FRMD5: variants seen among roughly 807,000 people sequenced by gnomAD.
FRMD5 encodes FERM domain containing 5, also known as FERM domain-containing protein 5.
A neutral mutation model predicts 69.0 loss-of-function variants in FRMD5; 20 were observed. The observed-to-expected ratio is 0.29, with a 90% CI of 0.20 to 0.42. FRMD5 has a LOEUF of 0.42. Among genes scored for constraint, FRMD5 ranks in the 10% least tolerant of loss-of-function variants. The probability of loss-of-function intolerance (pLI) is 1.00; values close to 1 mark genes in which losing one functional copy is unlikely to be tolerated. For missense variants in FRMD5, 595 were observed against 708.6 expected (o/e 0.84, Z 1.82); for synonymous variants, 271 against 260.1 (o/e 1.04, Z -0.40).
At chr15:43,960,700 T>A (rs933872363) in intron 1 of FRMD5, among the ~76,000 whole-genome samples, 3 of 152,236 alleles carry the variant, frequency 2.0e-5, no homozygotes, top group Admixed American at 6.5e-5. Flanking sequence ...GATTATTTTT[T>A]AAAAATGAGA....
intron 13 of FRMD5, 42 bp from the exon 14 acceptor site, chr15:43,874,504 C>T (rs2088270320): frequency 3.3e-6 from 5 of 1,497,674 alleles, no homozygotes; most frequent in Non-Finnish European, 3.7e-6. Flanking sequence ...TGTCCCAATG[C>T]ACCCTTTGCT....
At chr15:43,952,427 A>G (rs1415219871) in intron 1 of FRMD5, among the ~76,000 whole-genome samples, 1 of 152,184 alleles carries the variant, frequency 6.6e-6, no homozygotes, top group African/African-American at 2.4e-5. Flanking sequence ...ATTACTCTAT[A>G]TAACTCTGCC....
At chr15:43,985,348 G>A (rs1391012196) in intron 1 of FRMD5, among the ~76,000 whole-genome samples, 1 of 147,962 alleles carries the variant, frequency 6.8e-6, no homozygotes, top group Non-Finnish European at 1.5e-5. Flanking sequence ...TACTCTGCTT[G>A]TAACTGGGAA....
chr15:44,126,691 G>A (rs551384017), intron 1 of FRMD5, among the ~76,000 whole-genome samples: 1 of 152,234 alleles, frequency 6.6e-6, no homozygotes, highest in African/African-American at 2.4e-5. Flanking sequence ...TCCCTCATTA[G>A]AATTTATCTA....
At chr15:44,178,057 G>A (rs1372247548) in intron 1 of FRMD5, among the ~76,000 whole-genome samples, 1 of 152,214 alleles carries the variant, frequency 6.6e-6, no homozygotes, top group Non-Finnish European at 1.5e-5. Context: ...GCTGGGCACT[G>A]TGGCTCATGC....
chr15:44,038,954 T>C (rs1269933019), intron 1 of FRMD5, among the ~76,000 whole-genome samples: 1 of 152,196 alleles, frequency 6.6e-6, no homozygotes, highest in Admixed American at 6.5e-5. Flanking sequence ...TTCTTGCTGC[T>C]AGCACAGCAG....
chr15:44,075,634 T>C (rs1008303908), intron 1 of FRMD5, among the ~76,000 whole-genome samples: 1 of 152,156 alleles, frequency 6.6e-6, no homozygotes, highest in South Asian at 2.1e-4. Context: ...GGTATGTATG[T>C]AGCCATGGAA....
intron 5 of FRMD5, among the ~76,000 whole-genome samples, chr15:43,908,833 C>T (rs1474229060): frequency 1.3e-5 from 2 of 152,160 alleles, no homozygotes; most frequent in Non-Finnish European, 2.9e-5. Flanking sequence ...CTTGGAAACA[C>T]TTTCAACTTT....
Position 44,152,204 on chromosome 15 carries a change from C to A in FRMD5, c.102+42749G>T, listed in dbSNP as rs568207352. Among the ~76,000 whole-genome samples, 4 of 152,172 alleles carry A rather than the reference C, an allele frequency of 2.6e-5. No individual in the cohort carries two copies. In the South Asian group the frequency reaches 8.3e-4, roughly 32 times the overall value. On this transcript the variant is annotated intron_variant, in intron 1 of 13. Transcript: ENST00000417257. ...AGCCTGGGTGATAGAGGGAGACTGT[C>A]CCAAAAAACAAAACAAAACTATATT...
At chr15:43,919,705 G>A in intron 3 of FRMD5, 62 bp downstream of exon 3, 1 of 1,519,868 alleles carries the variant, frequency 6.6e-7, no homozygotes, top group Non-Finnish European at 9.1e-7. Context: ...TGAGATAAGT[G>A]GGAGGTTTCG....
chr15:43,877,617 G>A (rs945376064), intron 13 of FRMD5, among the ~76,000 whole-genome samples: 3 of 152,224 alleles, frequency 2.0e-5, no homozygotes, highest in East Asian at 1.9e-4. Context: ...ATCTAGTTAC[G>A]CTCCCCATTG....
At chr15:44,107,579 G>T (rs1183672313) in intron 1 of FRMD5, among the ~76,000 whole-genome samples, 1 of 152,034 alleles carries the variant, frequency 6.6e-6, no homozygotes, top group Non-Finnish European at 1.5e-5. Flanking sequence ...CTGCTCAAAG[G>T]TTATATGATT....
intron 7 of FRMD5, among the ~76,000 whole-genome samples, chr15:43,896,674 C>T (rs571756661): frequency 4.1e-4 from 63 of 152,328 alleles, no homozygotes; most frequent in Admixed American, 1.0e-3. Context: ...TTCAAAGTAG[C>T]CTTCTGTCTC....
chr15:43,946,642 G>A (rs1041565701), intron 1 of FRMD5, among the ~76,000 whole-genome samples: 2 of 152,170 alleles, frequency 1.3e-5, no homozygotes, highest in Non-Finnish European at 2.9e-5. Context: ...GTTGTCTTGT[G>A]TTCAGGAGAG....
Position 44,014,724 on chromosome 15 carries a change from C to T in FRMD5, c.103-90415G>A, listed in dbSNP as rs978504230. Among the ~76,000 whole-genome samples the T allele has an allele frequency of 7.3e-5, 11 of 151,460 alleles. No individual in the cohort carries two copies. In the East Asian group the frequency reaches 7.8e-4, roughly 11 times the overall value. On this transcript the variant is annotated intron_variant, in intron 1 of 13. Coordinates refer to ENST00000417257, the MANE Select transcript of FRMD5 (RefSeq NM_032892.5). ...TGCACTCCAGCCTGGGTGACAAGAG[C>T]GAGACTTCGTCTCAAAAAAAAGAAA...
intron 10 of FRMD5, among the ~76,000 whole-genome samples, chr15:43,887,786 C>T (rs2088698247): frequency 6.6e-6 from 1 of 152,198 alleles, no homozygotes; most frequent in African/African-American, 2.4e-5. Context: ...GTAGAATATA[C>T]CACACTCTGT....
chr15:44,143,740 G>T (rs1305774158), intron 1 of FRMD5, among the ~76,000 whole-genome samples: 1 of 150,884 alleles, frequency 6.6e-6, no homozygotes, highest in South Asian at 2.1e-4. Flanking sequence ...CCTGGCTAAC[G>T]CGGTGAAACC....
intron 1 of FRMD5, among the ~76,000 whole-genome samples, chr15:44,061,288 T>A (rs993363294): frequency 3.3e-5 from 5 of 152,238 alleles, no homozygotes; most frequent in African/African-American, 1.2e-4. Flanking sequence ...ACAGTCAAAA[T>A]CTAGGGGCAG....
Position 43,898,547 on chromosome 15 carries a change from C to T in FRMD5, c.639+3628G>A, listed in dbSNP as rs1050120224. 3.3e-5 allele frequency among the ~76,000 whole-genome samples: 5 copies of T among 152,276 alleles called. 1 individual carries two copies. In the South Asian group the frequency reaches 1.0e-3, roughly 32 times the overall value. On this transcript the variant is annotated intron_variant, in intron 7 of 13. Transcript: ENST00000417257. ...TAACAGGCCTCACTACTCCATGAAC[C>T]GTAACAGGACATCTCCGTAAGTTGG...
Sources: allele counts gnomAD v4.1 joint callset (sites outside exome capture counted in the v4.1 genomes callset), GRCh38; gene constraint gnomAD v4.1.1; transcripts MANE v1.5; gene names NCBI Gene and HGNC (gene_info 2026-07-23, HGNC 2026-07-21).